The following RFX3 variants were observed in gnomAD, a reference collection of about 807,000 sequenced individuals.
RFX3 encodes the protein regulatory factor X3.
RFX3 carries 14 observed loss-of-function variants against 98.6 expected under a neutral mutation model. That is an observed-to-expected ratio of 0.14 (90% CI 0.09 to 0.22). The LOEUF (loss-of-function observed/expected upper bound fraction) is 0.22. RFX3 is among the 10% of genes least tolerant of loss of function. The pLI is 1.00. For synonymous variants in RFX3, 383 were observed against 328.4 expected (o/e 1.17, Z -1.80); for missense variants, 639 against 926.9 (o/e 0.69, Z 4.03).
intron 1 of RFX3, among the ~76,000 whole-genome samples, chr9:3,523,396 ATTAT>A (rs1324949505): frequency 1.3e-5 from 2 of 152,142 alleles, no homozygotes; most frequent in Non-Finnish European, 2.9e-5. Flanking sequence ...AGTGTTTCTG[ATTAT>A]TTAATCAATT....
At chr9:3,431,150 G>A (rs1844622034) in intron 1 of RFX3, among the ~76,000 whole-genome samples, 1 of 152,172 alleles carries the variant, frequency 6.6e-6, no homozygotes. Flanking sequence ...ACCCTGTGAT[G>A]CTAATCATCT....
intron 10 of RFX3, 166 bp downstream of exon 10, chr9:3,270,837 A>C (rs1824332340): frequency 1.1e-6 from 1 of 929,130 alleles, no homozygotes; most frequent in Middle Eastern, 2.2e-4. Context: ...CACACACTGA[A>C]ACCTCAAGAG....
intron 1 of RFX3, chr9:3,524,706 G>T (rs561935067): frequency 1.3e-6 from 1 of 776,012 alleles, no homozygotes; most frequent in Non-Finnish European, 1.6e-6. Context: ...GGGGAAGGAG[G>T]ATCATCAAAG....
At chr9:3,270,963 T>A in intron 10 of RFX3, 40 bp downstream of exon 10, 1 of 1,613,402 alleles carries the variant, frequency 6.2e-7, no homozygotes, top group Non-Finnish European at 8.5e-7. Flanking sequence ...TGACATCTAC[T>A]CAGCCATGAA....
chr9:3,370,111 G>C (rs1837668990), intron 2 of RFX3, among the ~76,000 whole-genome samples: 1 of 150,868 alleles, frequency 6.6e-6, no homozygotes, highest in African/African-American at 2.4e-5. Context: ...AGAGTGCTGG[G>C]ATTACAGGCT....
intron 4 of RFX3, among the ~76,000 whole-genome samples, chr9:3,304,891 G>T (rs895567040): frequency 6.6e-6 from 1 of 152,072 alleles, no homozygotes; most frequent in Non-Finnish European, 1.5e-5. Flanking sequence ...GTTCAGAAAG[G>T]TGGAAGAAAA....
At chr9:3,332,660 A>C (rs1247448447) in intron 3 of RFX3, among the ~76,000 whole-genome samples, 1 of 152,204 alleles carries the variant, frequency 6.6e-6, no homozygotes, top group Non-Finnish European at 1.5e-5. Context: ...AAAAAGTTCA[A>C]AACTCTTGTC....
chr9:3,369,218 G>A (rs1487038376), intron 2 of RFX3, among the ~76,000 whole-genome samples: 1 of 152,226 alleles, frequency 6.6e-6, no homozygotes, highest in Non-Finnish European at 1.5e-5. Context: ...CTCACAGTCT[G>A]GATGCTGGGA....
chr9:3,442,538 A>G (rs1003307172), intron 1 of RFX3, among the ~76,000 whole-genome samples: 2 of 152,200 alleles, frequency 1.3e-5, no homozygotes, highest in Non-Finnish European at 2.9e-5. Context: ...ACAGAAACAG[A>G]TATTAGTGGA....
At chr9:3,261,354 G>C (rs1822867279) in intron 13 of RFX3, among the ~76,000 whole-genome samples, 1 of 152,052 alleles carries the variant, frequency 6.6e-6, no homozygotes, top group Non-Finnish European at 1.5e-5. Context: ...TGTCTGTATA[G>C]ATGTATCTAT....
At position 3,219,248 on chromosome 9, in the gene RFX3, C is replaced by T. The variant is rs563823502; in HGVS notation, c.*5794G>A. 3 of 152,050 alleles carry T rather than the reference C, an allele frequency of 2.0e-5. No homozygotes were observed. Among genetic ancestry groups the T allele is most frequent in the South Asian group, 2.1e-4 (1 of 4,814 alleles). 9.4% of individuals were successfully genotyped at this position (152,050 alleles called of 1,614,324 possible). A position where few individuals can be genotyped will look rare whatever the true frequency, so the allele number is the denominator to read the frequency against. Reference sequence around the variant, plus strand: ...GTTTAGCAAGTTAAAACAAGGCGATCGTTTCTTCAAAAATACTAATTTACT... The same window carrying T: ...GTTTAGCAAGTTAAAACAAGGCGATTGTTTCTTCAAAAATACTAATTTACT... On this transcript the variant is annotated 3_prime_UTR_variant, in exon 17 of 17. Transcript: ENST00000617270.
intron 1 of RFX3, among the ~76,000 whole-genome samples, chr9:3,486,704 C>A (rs7861625): frequency 0.11 from 17,347 of 152,162 alleles, 1,831 homozygotes; most frequent in East Asian, 0.57. Flanking sequence ...TCTAAAAGTA[C>A]AAAATTGCTA....
intron 4 of RFX3, among the ~76,000 whole-genome samples, chr9:3,322,356 C>T (rs1587057233): frequency 6.6e-6 from 1 of 152,184 alleles, no homozygotes; most frequent in Admixed American, 6.5e-5. Flanking sequence ...TGTTGCCAGG[C>T]ATTTTTTGTT....
chr9:3,504,886 T>TG (rs1816675169), intron 1 of RFX3, among the ~76,000 whole-genome samples: 2 of 65,372 alleles, frequency 3.1e-5, no homozygotes, highest in South Asian at 4.5e-4. Context: ...ATATTATATA[T>TG]AATATAACAT....
chr9:3,252,742 G>A (rs1821592076), intron 14 of RFX3, among the ~76,000 whole-genome samples: 3 of 152,000 alleles, frequency 2.0e-5, no homozygotes, highest in Non-Finnish European at 2.9e-5. Context: ...GGATGGTTAG[G>A]CAATCACCTG....
intron 2 of RFX3, among the ~76,000 whole-genome samples, chr9:3,377,169 C>T (rs933381457): frequency 5.9e-5 from 9 of 152,154 alleles, no homozygotes; most frequent in African/African-American, 2.2e-4. Context: ...GCACTATTCA[C>T]AATAGCAAAG....
intron 4 of RFX3, among the ~76,000 whole-genome samples, chr9:3,307,930 C>T (rs1829521151): frequency 6.6e-6 from 1 of 151,982 alleles, no homozygotes; most frequent in South Asian, 2.1e-4. Flanking sequence ...TCTTCTTCTG[C>T]CTTTTTTTAC....
chr9:3,363,763 C>T (rs1836739459), intron 2 of RFX3, among the ~76,000 whole-genome samples: 1 of 152,200 alleles, frequency 6.6e-6, no homozygotes, highest in African/African-American at 2.4e-5. Context: ...GATCTTCTGA[C>T]TCTAATCCTA....
At chr9:3,329,429 C>CAA (rs1056225979) in intron 4 of RFX3, among the ~76,000 whole-genome samples, 1 of 108,282 alleles carries the variant, frequency 9.2e-6, no homozygotes, top group African/African-American at 4.3e-5. Context: ...AAAAAAAAAA[C>CAA]AAAAAACCAC....
Sources: allele counts gnomAD v4.1 joint callset (sites outside exome capture counted in the v4.1 genomes callset), GRCh38; gene constraint gnomAD v4.1.1; transcripts MANE v1.5; gene names NCBI Gene and HGNC (gene_info 2026-07-23, HGNC 2026-07-21).